Variants in ALCAM observed in about 807,000 individuals in gnomAD.
ALCAM encodes CD166 antigen.
ALCAM carries 30 observed loss-of-function variants against 70.9 expected under a neutral mutation model. The ratio of observed to expected loss-of-function variants is 0.42; its 90% CI spans 0.32 to 0.57. ALCAM has a LOEUF of 0.57. Among genes scored for constraint, ALCAM ranks in the 20% least tolerant of loss-of-function variants. ALCAM has a pLI of 0.11. For synonymous variants in ALCAM, 249 were observed against 242.5 expected, an observed-to-expected ratio of 1.03 and a Z score of -0.25; for missense variants, 591 against 695.1, an observed-to-expected ratio of 0.85 and a Z score of 1.68.
At chr3:105,494,316 G>A (rs1331573524) in intron 1 of ALCAM, among the ~76,000 whole-genome samples, 3 of 152,010 alleles carry the variant, frequency 2.0e-5, no homozygotes, top group Non-Finnish European at 2.9e-5. Flanking sequence ...TTAATCAGAG[G>A]TATTTCCTGG....
At chr3:105,502,909 C>T (rs1938963530) in intron 1 of ALCAM, among the ~76,000 whole-genome samples, 1 of 152,220 alleles carries the variant, frequency 6.6e-6, no homozygotes. Context: ...CAAATAAATT[C>T]AGAAACTTCT....
chr3:105,541,654 A>G lies in ALCAM; in HGVS notation c.880A>G (p.Ser294Gly). 1 of 1,611,918 alleles carries G rather than the reference A, an allele frequency of 6.2e-7. No individual in the cohort carries two copies. The highest frequency in any genetic ancestry group is 8.5e-7 in the Non-Finnish European group (1 of 1,178,650). Residue 294 changes from serine to glycine, a missense_variant, in exon 8 of 16, where the codon AGC becomes GGC. Transcript: ENST00000306107. ...AAAGGGACAGCCCGAAGGAATAAGA[A>G]GCTCAAATACTTACACACTGACGGA... ...YLPGQPEGIRSSNTYTLTDVR... is the reference protein window; with the variant it reads ...YLPGQPEGIRGSNTYTLTDVR...
At chr3:105,380,968 A>T (rs2107333636) in intron 1 of ALCAM, among the ~76,000 whole-genome samples, 1 of 152,018 alleles carries the variant, frequency 6.6e-6, no homozygotes, top group East Asian at 1.9e-4. Context: ...TCAGAGTTTG[A>T]GAATATGGTG....
chr3:105,463,944 A>G (rs908797305), intron 1 of ALCAM, among the ~76,000 whole-genome samples: 1 of 151,444 alleles, frequency 6.6e-6, no homozygotes, highest in Admixed American at 6.6e-5. Flanking sequence ...GAAGGTTTTT[A>G]TATTGCACAG....
chr3:105,546,457 GT>G (rs1940250402), intron 9 of ALCAM, among the ~76,000 whole-genome samples: 1 of 151,294 alleles, frequency 6.6e-6, no homozygotes, highest in South Asian at 2.1e-4. Context: ...ATCACAACTT[GT>G]TCACTAAAAT....
chr3:105,540,251 T>A, intron 7 of ALCAM, 149 bp downstream of exon 7: 2 of 763,064 alleles, frequency 2.6e-6, no homozygotes, highest in Non-Finnish European at 3.9e-6. Context: ...TTTCTGCACC[T>A]GCCACTGTTC....
intron 1 of ALCAM, among the ~76,000 whole-genome samples, chr3:105,369,938 T>C (rs1368764376): frequency 6.6e-6 from 1 of 152,200 alleles, no homozygotes; most frequent in Non-Finnish European, 1.5e-5. Context: ...CTCGTTATTC[T>C]TGTAGAAAGA....
At chr3:105,547,076 T>C (rs1940267658) in intron 9 of ALCAM, 73 bp from the exon 10 acceptor site, 4 of 1,270,510 alleles carry the variant, frequency 3.1e-6, no homozygotes, top group Non-Finnish European at 4.2e-6. Flanking sequence ...GTTTTAGGCT[T>C]AATTATTATC....
intron 14 of ALCAM, among the ~76,000 whole-genome samples, chr3:105,560,473 C>G (rs912755855): frequency 6.6e-6 from 1 of 151,732 alleles, no homozygotes; most frequent in Non-Finnish European, 1.5e-5. Context: ...ACATTTTTTC[C>G]CAGTCTGTAG....
chr3:105,532,585 G>A (rs1939866283), intron 4 of ALCAM, among the ~76,000 whole-genome samples: 1 of 152,118 alleles, frequency 6.6e-6, no homozygotes, highest in African/African-American at 2.4e-5. Context: ...TTCCATTGTG[G>A]ACGACAGAGC....
At chr3:105,372,306 T>A (rs1935256158) in intron 1 of ALCAM, among the ~76,000 whole-genome samples, 1 of 152,116 alleles carries the variant, frequency 6.6e-6, no homozygotes, top group East Asian at 1.9e-4. Flanking sequence ...TTACTGATAT[T>A]TTCATGCAGC....
chr3:105,434,208 T>C (rs1037661489), intron 1 of ALCAM, among the ~76,000 whole-genome samples: 1 of 152,176 alleles, frequency 6.6e-6, no homozygotes, highest in African/African-American at 2.4e-5. Flanking sequence ...CACAGAGCTT[T>C]TCATCCAAGA....
At chr3:105,462,478 A>C (rs1937617825) in intron 1 of ALCAM, among the ~76,000 whole-genome samples, 1 of 151,546 alleles carries the variant, frequency 6.6e-6, no homozygotes, top group South Asian at 2.1e-4. Context: ...AGTTTCAGCA[A>C]ATGCCTTTAT....
chr3:105,499,956 A>C (rs1229615403), intron 1 of ALCAM, among the ~76,000 whole-genome samples: 1 of 152,170 alleles, frequency 6.6e-6, no homozygotes, highest in Non-Finnish European at 1.5e-5. Context: ...GGGAGCCTTT[A>C]ATGTAATATC....
chr3:105,507,735 T>G (rs890820941), intron 1 of ALCAM, among the ~76,000 whole-genome samples: 13 of 152,350 alleles, frequency 8.5e-5, no homozygotes, highest in Middle Eastern at 3.4e-3. Context: ...TTGTTCAGGT[T>G]TTTGTGTGGA....
At chr3:105,405,647 A>G (rs761684005) in intron 1 of ALCAM, among the ~76,000 whole-genome samples, 19 of 152,208 alleles carry the variant, frequency 1.2e-4, no homozygotes, top group Admixed American at 1.2e-3. Context: ...CAGATGATAT[A>G]ATAGGCCACA....
intron 1 of ALCAM, among the ~76,000 whole-genome samples, chr3:105,438,947 A>C (rs1025814777): frequency 2.0e-5 from 3 of 152,182 alleles, no homozygotes; most frequent in Non-Finnish European, 4.4e-5. Flanking sequence ...GGGAGGAAGG[A>C]AGAAGCAGAA....
chr3:105,387,919 T>A (rs1432832427), intron 1 of ALCAM, among the ~76,000 whole-genome samples: 2 of 151,628 alleles, frequency 1.3e-5, no homozygotes, highest in East Asian at 3.9e-4. Context: ...AAATAATATT[T>A]GCATTATCTC....
At chr3:105,450,205 G>T (rs1234023281) in intron 1 of ALCAM, among the ~76,000 whole-genome samples, 2 of 152,164 alleles carry the variant, frequency 1.3e-5, no homozygotes, top group Non-Finnish European at 2.9e-5. Flanking sequence ...CTTAAATCAT[G>T]GGTTGAGTTC....
Sources: gnomAD v4.1 joint callset for allele counts (sites outside exome capture counted in the v4.1 genomes callset) on GRCh38, gnomAD v4.1.1 for gene constraint, MANE v1.5 for transcripts, NCBI Gene and HGNC (gene_info 2026-07-23, HGNC 2026-07-21) for gene names.